Variants in MYO3B observed in about 807,000 individuals in gnomAD.
MYO3B encodes the protein myosin-IIIb.
Under a neutral mutation model 174.6 loss-of-function variants are expected in MYO3B, and 156 were observed. The ratio of observed to expected loss-of-function variants is 0.89; its 90% confidence interval spans 0.78 to 1.02. The LOEUF is 1.02. Ranked by LOEUF, MYO3B falls within the 50% of genes least tolerant of loss-of-function variation. The pLI, the probability that MYO3B is intolerant of heterozygous loss-of-function variation, is 0.00. For missense variants in MYO3B, 1,632 were observed against 1,639.4 expected (o/e 1.00, Z 0.08); for synonymous variants, 563 against 569.1 (o/e 0.99, Z 0.15).
At chr2:170,243,240 G>C (rs1479879664) in intron 7 of MYO3B, among the ~76,000 whole-genome samples, 1 of 152,194 alleles carries the variant, frequency 6.6e-6, no homozygotes, top group Non-Finnish European at 1.5e-5. Flanking sequence ...TCTTGGCTGG[G>C]CTTGCTCATG....
In MYO3B at chr2:170,485,416, C is replaced by CAG. The variant is rs1202554590; in HGVS notation, c.3015-13175_3015-13174insGA. On this transcript the variant is annotated intron_variant, in intron 25 of 34. Transcript: ENST00000408978. ...ACACACACACACACACACACACACA[C>CAG]ACACAGAGAGAGAGAGAGAGAGAGA... Among the ~76,000 whole-genome samples the CAG allele has an allele frequency of 2.7e-3, 350 of 129,256 alleles. 3 individuals carry two copies. Among genetic ancestry groups the CAG allele is most frequent in the East Asian group, 0.014 (56 of 4,020 alleles). 84.8% of individuals were successfully genotyped at this position (129,256 alleles called of 152,430 possible).
intron 7 of MYO3B, among the ~76,000 whole-genome samples, chr2:170,313,657 A>AATATCCTG (rs1261781699): frequency 6.6e-6 from 1 of 152,126 alleles, no homozygotes; most frequent in East Asian, 1.9e-4. Context: ...CTCCTTTGAG[A>AATATCCTG]ATATCCTGAA....
At chr2:170,510,742 C>T (rs1258868204) in intron 28 of MYO3B, among the ~76,000 whole-genome samples, 2 of 152,170 alleles carry the variant, frequency 1.3e-5, no homozygotes, top group African/African-American at 4.8e-5. Context: ...CACCCTCAGC[C>T]CCTGATAACC....
intron 32 of MYO3B, among the ~76,000 whole-genome samples, chr2:170,628,693 T>TAAATC (rs1696680641): frequency 6.6e-6 from 1 of 151,620 alleles, no homozygotes; most frequent in African/African-American, 2.4e-5. Context: ...TATATTCTTA[T>TAAATC]AAATCAAACT....
At chr2:170,585,143 ACT>A (rs1263577556) in intron 32 of MYO3B, among the ~76,000 whole-genome samples, 1 of 152,200 alleles carries the variant, frequency 6.6e-6, no homozygotes, top group Non-Finnish European at 1.5e-5. Context: ...TCTCCAGATG[ACT>A]CTAATGTGCA....
intron 32 of MYO3B, among the ~76,000 whole-genome samples, chr2:170,651,399 T>A (rs1575350642): frequency 1.0e-5 from 1 of 97,782 alleles, no homozygotes; most frequent in South Asian, 2.9e-4. Context: ...GGACTGCTGA[T>A]TCAGATCAGA....
chr2:170,566,856 T>C (rs1013475880), intron 32 of MYO3B, among the ~76,000 whole-genome samples: 3 of 152,132 alleles, frequency 2.0e-5, no homozygotes, highest in Non-Finnish European at 4.4e-5. Flanking sequence ...ATTAGTAGAG[T>C]GCATGAATCC....
At chr2:170,366,674 T>A (rs937006452) in intron 8 of MYO3B, among the ~76,000 whole-genome samples, 3 of 152,192 alleles carry the variant, frequency 2.0e-5, no homozygotes, top group Non-Finnish European at 2.9e-5. Context: ...ATAACAGATT[T>A]ACTCGTTAGT....
intron 17 of MYO3B, among the ~76,000 whole-genome samples, chr2:170,400,649 C>T (rs1044243026): frequency 1.1e-4 from 5 of 47,422 alleles, no homozygotes; most frequent in Admixed American, 1.5e-4. Context: ...ATGATCCACC[C>T]CCCCCCCCTC....
Position 170,653,385 on chromosome 2 carries a change from A to G in MYO3B, c.*264A>G, listed in dbSNP as rs180945572. On this transcript the variant is annotated 3_prime_UTR_variant, in exon 35 of 35. Coordinates refer to ENST00000408978, the MANE Select transcript of MYO3B (RefSeq NM_138995.5). ...TGTGGGACACTGAGAACACCTTTAC[A>G]ATAGTTTAAACAGTCATTCATGCCC... The G allele has an allele frequency of 4.3e-6, 2 of 467,086 alleles. No individual in the cohort carries two copies. The highest frequency in any genetic ancestry group is 6.7e-5 in the East Asian group (2 of 29,848). The allele number at this position is 467,086 out of a possible 1,614,324, so 28.9% of individuals were successfully genotyped here. A position where few individuals can be genotyped will look rare whatever the true frequency, so the allele number is the denominator to read the frequency against.
chr2:170,441,091 C>T (rs567902628), intron 22 of MYO3B, among the ~76,000 whole-genome samples: 3 of 152,238 alleles, frequency 2.0e-5, no homozygotes, highest in South Asian at 2.1e-4. Context: ...TGAGCCACCT[C>T]GTCCAGCCTG....
intron 32 of MYO3B, among the ~76,000 whole-genome samples, chr2:170,619,734 A>ATTTTTTTTTTTTTTT (rs1553539465): frequency 6.0e-5 from 2 of 33,520 alleles, no homozygotes; most frequent in African/African-American, 1.7e-4. Flanking sequence ...CTGCTGCCAT[A>ATTTTTTTTTTTTTTT]TTCTTTTTTT....
intron 6 of MYO3B, among the ~76,000 whole-genome samples, chr2:170,225,926 G>A (rs572809351): frequency 6.6e-6 from 1 of 152,198 alleles, no homozygotes; most frequent in Non-Finnish European, 1.5e-5. Context: ...CCTCTGCTTA[G>A]CCTGTTCTCA....
At chr2:170,226,779 G>C (rs2092957042) in intron 6 of MYO3B, among the ~76,000 whole-genome samples, 2 of 152,188 alleles carry the variant, frequency 1.3e-5, no homozygotes, top group Non-Finnish European at 2.9e-5. Flanking sequence ...TGAGTGAGAA[G>C]TGCTAAGCCA....
intron 32 of MYO3B, among the ~76,000 whole-genome samples, chr2:170,616,236 G>A (rs1029692814): frequency 2.0e-5 from 3 of 152,116 alleles, no homozygotes; most frequent in East Asian, 3.9e-4. Context: ...AGATGAGGGC[G>A]TTTATAGCCC....
At chr2:170,298,476 AC>A (rs997444989) in intron 7 of MYO3B, among the ~76,000 whole-genome samples, 1 of 152,086 alleles carries the variant, frequency 6.6e-6, no homozygotes, top group African/African-American at 2.4e-5. Flanking sequence ...GGAGTTCACA[AC>A]CAGCCTGGCC....
rs1687428423 is a variant in MYO3B, at chr2:170,503,644, G to A, written c.3370+1779G>A. On this transcript the variant is annotated intron_variant, in intron 28 of 34. Coordinates refer to ENST00000408978, the MANE Select transcript of MYO3B (RefSeq NM_138995.5). Reference sequence around the variant, plus strand: ...CTTTAGAAAACACATTTCTTTAAGGGTGCCGTCCTTTTTTTTTTTTAGCCT... The same window carrying A: ...CTTTAGAAAACACATTTCTTTAAGGATGCCGTCCTTTTTTTTTTTTAGCCT... Among the ~76,000 whole-genome samples, 2 of 43,180 alleles carry A rather than the reference G, an allele frequency of 4.6e-5. 1 individual carries two copies. The highest frequency in any genetic ancestry group is 1.0e-4 in the Non-Finnish European group (2 of 19,560). The allele number at this position is 43,180 out of a possible 152,430, so 28.3% of individuals were successfully genotyped here.
chr2:170,648,721 TGTAA>T (rs1698593597), intron 32 of MYO3B, among the ~76,000 whole-genome samples: 2 of 43,310 alleles, frequency 4.6e-5, no homozygotes, highest in Non-Finnish European at 6.1e-5. Flanking sequence ...CTATATAATA[TGTAA>T]AATATATATT....
rs544829130 is a variant in MYO3B at position 170,382,612 on chromosome 2, T to G, written c.1069-461T>G. 4 of 169,946 alleles carry G rather than the reference T, an allele frequency of 2.4e-5. No individual in the cohort carries two copies. In the East Asian group the frequency reaches 6.0e-4, roughly 25 times the overall value. 10.5% of individuals were successfully genotyped at this position (169,946 alleles called of 1,614,324 possible). A position where few individuals can be genotyped will look rare whatever the true frequency, so the allele number is the denominator to read the frequency against. On this transcript the variant is annotated intron_variant, in intron 10 of 34. Coordinates refer to ENST00000408978, the MANE Select transcript of MYO3B (RefSeq NM_138995.5). ...GAGTCTAACTCTGGGGATTGTTACC[T>G]TCAATGTCTAAATCACTAAAGTGTA...
Sources: gnomAD v4.1 joint callset for allele counts (sites outside exome capture counted in the v4.1 genomes callset) on GRCh38, gnomAD v4.1.1 for gene constraint, MANE v1.5 for transcripts, NCBI Gene and HGNC (gene_info 2026-07-23, HGNC 2026-07-21) for gene names.